The following TRPS1 variants were observed in gnomAD, a reference collection of about 807,000 sequenced individuals.
TRPS1 encodes zinc finger transcription factor Trps1.
In TRPS1, 6 loss-of-function variants were observed where a neutral mutation model predicts 101.2. The observed-to-expected ratio is 0.06, with a 90% CI of 0.03 to 0.12. The LOEUF is 0.12. Ranked by LOEUF, TRPS1 falls within the 10% of genes least tolerant of loss-of-function variation. TRPS1 has a pLI of 1.00. For missense variants in TRPS1, 1,363 were observed against 1,567.0 expected, an observed-to-expected ratio of 0.87 and a Z score of 2.20; for synonymous variants, 578 against 589.8, an observed-to-expected ratio of 0.98 and a Z score of 0.29.
At chr8:115,634,000 C>T (rs953839039) in intron 1 of TRPS1, among the ~76,000 whole-genome samples, 1 of 148,992 alleles carries the variant, frequency 6.7e-6, no homozygotes, top group African/African-American at 2.6e-5. Context: ...GTACTAGCAA[C>T]TAACCAAAAC....
At chr8:115,615,411 C>T (rs546303468) in intron 3 of TRPS1, among the ~76,000 whole-genome samples, 4 of 152,130 alleles carry the variant, frequency 2.6e-5, no homozygotes, top group Non-Finnish European at 2.9e-5. Context: ...CAGCAAAGGC[C>T]GCGTTGTTAA....
chr8:115,654,584 T>G (rs1260239313), intron 1 of TRPS1, among the ~76,000 whole-genome samples: 2 of 152,206 alleles, frequency 1.3e-5, no homozygotes, highest in Non-Finnish European at 2.9e-5. Flanking sequence ...AAATGGACTA[T>G]TTTTAAAAAT....
At chr8:115,444,042 C>T (rs1328896331) in intron 5 of TRPS1, among the ~76,000 whole-genome samples, 2 of 152,186 alleles carry the variant, frequency 1.3e-5, no homozygotes, top group African/African-American at 4.8e-5. Flanking sequence ...CAACCTAGGG[C>T]TCTCACTCCT....
chr8:115,535,537 TATATATAGCGC>T (rs1394499305), intron 5 of TRPS1, among the ~76,000 whole-genome samples: 1 of 148,666 alleles, frequency 6.7e-6, no homozygotes, highest in African/African-American at 2.5e-5. Context: ...ATATAGCGCA[TATATATAGCGC>T]ATATATATAT....
chr8:115,594,975 A>AT (rs1367904637), intron 4 of TRPS1, among the ~76,000 whole-genome samples: 2 of 151,836 alleles, frequency 1.3e-5, no homozygotes, highest in Non-Finnish European at 3.0e-5. Context: ...ACTTTCAGTA[A>AT]TTTTTTTAAA....
chr8:115,499,537 T>G (rs1815248745), intron 5 of TRPS1, among the ~76,000 whole-genome samples: 1 of 152,124 alleles, frequency 6.6e-6, no homozygotes. Context: ...ATTTTCAAAT[T>G]GGGATCTTTT....
chr8:115,430,444 A>AGT (rs141850172), intron 5 of TRPS1, among the ~76,000 whole-genome samples: 10,853 of 149,794 alleles, frequency 0.072, 1,238 homozygotes, highest in African/African-American at 0.24. Flanking sequence ...GCCACTTTGG[A>AGT]GTGTGTGTGT....
chr8:115,484,393 T>G (rs1226267458), intron 5 of TRPS1, among the ~76,000 whole-genome samples: 1 of 152,174 alleles, frequency 6.6e-6, no homozygotes, highest in Non-Finnish European at 1.5e-5. Context: ...CCAAATTTTA[T>G]CTGAGAGAGG....
chr8:115,416,358 AG>A (rs1296397999), intron 6 of TRPS1, among the ~76,000 whole-genome samples: 1 of 151,744 alleles, frequency 6.6e-6, no homozygotes, highest in East Asian at 1.9e-4. Context: ...GCGTATTTAT[AG>A]GTTAAAAATT....
rs1813443352 is a variant in TRPS1 at position 115,436,039 on chromosome 8, C to CAT, written c.2701-17588_2701-17587insAT. The stretch of plus-strand genomic sequence containing the variant: ...ACACACACACACACACACACACACA[C>CAT]ACACATTCAGCTAAGGAGCCCATGC... On this transcript the variant is annotated intron_variant, in intron 5 of 6. Transcript: ENST00000395715. Among the ~76,000 whole-genome samples, 3 of 148,984 alleles carry CAT rather than the reference C, an allele frequency of 2.0e-5. No individual in the cohort carries two copies. The South Asian group carries it at 6.6e-4, about 33-fold the overall frequency.
intron 1 of TRPS1, among the ~76,000 whole-genome samples, chr8:115,646,465 A>T (rs953044246): frequency 3.3e-5 from 5 of 152,226 alleles, no homozygotes; most frequent in African/African-American, 1.2e-4. Context: ...TATCTGGAGA[A>T]CAAATAAACT....
intron 4 of TRPS1, among the ~76,000 whole-genome samples, chr8:115,599,146 G>A (rs1194010808): frequency 3.3e-5 from 5 of 151,962 alleles, no homozygotes; most frequent in Non-Finnish European, 7.4e-5. Flanking sequence ...CTTACTAAAT[G>A]TCTTTGATAT....
intron 5 of TRPS1, among the ~76,000 whole-genome samples, chr8:115,524,541 G>A (rs1408903973): frequency 2.0e-5 from 3 of 151,672 alleles, no homozygotes; most frequent in Middle Eastern, 3.4e-3. Context: ...GGCTGGTCTC[G>A]AACTCCTGAC....
chr8:115,509,034 A>G (rs1815514856), intron 5 of TRPS1, among the ~76,000 whole-genome samples: 3 of 151,804 alleles, frequency 2.0e-5, no homozygotes, highest in Admixed American at 1.3e-4. Context: ...GGCCAATCAA[A>G]TACTCTCCCT....
chr8:115,653,550 C>T (rs2721966), intron 1 of TRPS1, among the ~76,000 whole-genome samples: 75,007 of 151,894 alleles, frequency 0.49, 21,568 homozygotes, highest in African/African-American at 0.8. Context: ...TTATATCTGA[C>T]GGAATGAGTA....
At position 115,586,987 on chromosome 8, in the gene TRPS1, T is replaced by C; in HGVS notation, c.2700+14A>G. 1.2e-6 allele frequency: 2 copies of C among 1,613,998 alleles called. No homozygotes were observed. The highest frequency in any genetic ancestry group is 8.5e-7 in the Non-Finnish European group (1 of 1,180,010). ...TCAAAACAAATGAATTATTTAAAAA[T>C]GAAACCATCCTACCCGTAACAGGGA... On this transcript the variant is annotated intron_variant, in intron 5 of 6. Transcript: ENST00000395715.
intron 5 of TRPS1, among the ~76,000 whole-genome samples, chr8:115,466,610 T>C (rs1337352603): frequency 6.6e-6 from 1 of 152,094 alleles, no homozygotes; most frequent in Non-Finnish European, 1.5e-5. Context: ...GCTGTGGATC[T>C]AGAAATACTA....
chr8:115,524,911 C>T (rs1483292940), intron 5 of TRPS1, among the ~76,000 whole-genome samples: 2 of 152,070 alleles, frequency 1.3e-5, no homozygotes, highest in East Asian at 3.9e-4. Flanking sequence ...GTGGTTATTC[C>T]AAAATGTATA....
At chr8:115,443,945 T>C (rs77057025) in intron 5 of TRPS1, among the ~76,000 whole-genome samples, 2,038 of 152,300 alleles carry the variant, frequency 0.013, 42 homozygotes, top group African/African-American at 0.047. Flanking sequence ...TCTAAAAACA[T>C]AGATTTACAA....
Sources: gnomAD v4.1 joint callset for allele counts (sites outside exome capture counted in the v4.1 genomes callset) on GRCh38, gnomAD v4.1.1 for gene constraint, MANE v1.5 for transcripts, NCBI Gene and HGNC (gene_info 2026-07-23, HGNC 2026-07-21) for gene names.